Variants in NCALD observed in about 807,000 individuals in gnomAD.
NCALD encodes neurocalcin-delta.
A neutral mutation model predicts 18.6 loss-of-function variants in NCALD; 10 were observed. The observed-to-expected ratio is 0.54, with a 90% CI of 0.33 to 0.91. NCALD has a LOEUF of 0.91. Among genes scored for constraint, NCALD ranks in the 40% least tolerant of loss-of-function variants. The pLI is 0.03. For missense variants in NCALD, 184 were observed against 247.6 expected (o/e 0.74, Z 1.72); for synonymous variants, 88 against 87.4 (o/e 1.01, Z -0.04).
intron 1 of NCALD, among the ~76,000 whole-genome samples, chr8:102,041,832 G>A (rs1823060149): frequency 6.7e-6 from 1 of 150,200 alleles, no homozygotes. Context: ...AAATGCCTCA[G>A]CTGCTAGCAC....
At chr8:101,768,376 CAG>C (rs1811436791) in intron 1 of NCALD, among the ~76,000 whole-genome samples, 1 of 85,828 alleles carries the variant, frequency 1.2e-5, no homozygotes, top group African/African-American at 4.2e-5. Flanking sequence ...TTAACTCCTT[CAG>C]AGTTGTAGGA....
At chr8:101,795,418 G>A (rs940334387), upstream of NCALD, among the ~76,000 whole-genome samples, 2 of 152,158 alleles carry the variant, frequency 1.3e-5, no homozygotes, top group Non-Finnish European at 2.9e-5. Flanking sequence ...CCAAGATCAA[G>A]GCTCCTACAG....
intron 1 of NCALD, among the ~76,000 whole-genome samples, chr8:102,073,185 C>T (rs1049846371): frequency 2.6e-5 from 4 of 152,128 alleles, no homozygotes; most frequent in East Asian, 1.9e-4. Context: ...CCCATAATCC[C>T]GGCTACTCAG....
intron 4 of NCALD, among the ~76,000 whole-genome samples, chr8:101,842,920 G>A (rs1814703403): frequency 6.6e-6 from 1 of 152,128 alleles, no homozygotes; most frequent in Non-Finnish European, 1.5e-5. Context: ...GTGGTTGGGG[G>A]GAAGATGAGA....
intron 2 of NCALD, among the ~76,000 whole-genome samples, chr8:101,938,492 C>G (rs1191306552): frequency 6.6e-6 from 1 of 152,156 alleles, no homozygotes; most frequent in Non-Finnish European, 1.5e-5. Context: ...AGTCTAGTAA[C>G]AGTCTTGTTC....
chr8:102,030,108 G>C (rs1822615288), intron 1 of NCALD, among the ~76,000 whole-genome samples: 1 of 152,196 alleles, frequency 6.6e-6, no homozygotes, highest in Non-Finnish European at 1.5e-5. Context: ...AGAGGAGAAT[G>C]GTTCAACAGG....
chr8:101,781,422 G>C (rs1700053950), intron 1 of NCALD, among the ~76,000 whole-genome samples: 1 of 152,148 alleles, frequency 6.6e-6, no homozygotes, highest in South Asian at 2.1e-4. Context: ...ATTCCCTCCT[G>C]AATAGCTGGG....
intron 2 of NCALD, among the ~76,000 whole-genome samples, chr8:101,983,358 G>T (rs1820692304): frequency 6.6e-6 from 1 of 152,134 alleles, no homozygotes; most frequent in Non-Finnish European, 1.5e-5. Flanking sequence ...GCCCTCCCCT[G>T]TTCCCTAACC....
At chr8:101,834,395 C>T (rs1814320378) in intron 4 of NCALD, among the ~76,000 whole-genome samples, 1 of 152,244 alleles carries the variant, frequency 6.6e-6, no homozygotes, top group Non-Finnish European at 1.5e-5. Context: ...CTGGAAACAT[C>T]TTTTCCACTG....
At chr8:101,768,343 A>G (rs1368328168) in intron 1 of NCALD, among the ~76,000 whole-genome samples, 1 of 151,796 alleles carries the variant, frequency 6.6e-6, no homozygotes, top group Admixed American at 6.6e-5. Context: ...CCAATAGTCT[A>G]TATCTGCAGG....
intron 3 of NCALD, among the ~76,000 whole-genome samples, chr8:101,901,103 C>G (rs914178489): frequency 6.6e-6 from 1 of 151,932 alleles, no homozygotes; most frequent in Non-Finnish European, 1.5e-5. Context: ...TATAATATCT[C>G]TCTCTGTCCT....
At chr8:101,691,783 G>A (rs1803656229) in intron 3 of NCALD, 1 of 985,244 alleles carries the variant, frequency 1.0e-6, no homozygotes, top group South Asian at 4.7e-5. Context: ...AGGAGACAGA[G>A]GCTCTCTGTA....
intron 2 of NCALD, among the ~76,000 whole-genome samples, chr8:101,937,987 C>T (rs1349284466): frequency 6.6e-6 from 1 of 152,196 alleles, no homozygotes; most frequent in Non-Finnish European, 1.5e-5. Context: ...CTATGAAAGA[C>T]TTAGGAAAGA....
intron 1 of NCALD, among the ~76,000 whole-genome samples, chr8:101,734,083 A>G (rs1351000122): frequency 6.6e-6 from 1 of 152,090 alleles, no homozygotes; most frequent in African/African-American, 2.4e-5. Context: ...GGGCTCTCTT[A>G]TGTTAGCAGT....
chr8:101,932,609 A>G (rs1043490927), intron 2 of NCALD, among the ~76,000 whole-genome samples: 18 of 152,192 alleles, frequency 1.2e-4, no homozygotes, highest in Admixed American at 6.5e-4. Context: ...AAAGAATACA[A>G]GAGTACACGA....
intron 1 of NCALD, among the ~76,000 whole-genome samples, chr8:101,732,014 C>T (rs1816855063): frequency 1.3e-5 from 2 of 152,198 alleles, no homozygotes; most frequent in South Asian, 4.1e-4. Flanking sequence ...TGCAACAGAG[C>T]TGCCTGTTTT....
intron 2 of NCALD, among the ~76,000 whole-genome samples, chr8:101,700,613 G>A (rs536621675): frequency 6.6e-6 from 1 of 152,180 alleles, no homozygotes; most frequent in African/African-American, 2.4e-5. Flanking sequence ...TTCTTCTTGG[G>A]ATTCTGATGA....
At position 101,936,665 on chromosome 8, in the gene NCALD, T is replaced by C. The variant is rs532995516; in HGVS notation, c.-156-20807A>G. On this transcript the variant is annotated intron_variant, in intron 2 of 6. Transcript: ENST00000311028. ...AAACAAACTGAGTCAAAATCTCTGA[T>C]GGTGAGGTCTGGACATTAGTATGTT... Among the ~76,000 whole-genome samples, 76 of 152,174 alleles carry C rather than the reference T, an allele frequency of 5.0e-4. 2 individuals are homozygous for C. Among genetic ancestry groups the C allele is most frequent in the South Asian group, 4.1e-4 (2 of 4,824 alleles).
chr8:102,025,271 C>T (rs1822414298), intron 1 of NCALD, among the ~76,000 whole-genome samples: 1 of 152,222 alleles, frequency 6.6e-6, no homozygotes, highest in African/African-American at 2.4e-5. Context: ...AGTGAGACCT[C>T]CCATGATGCC....
Sources: gnomAD v4.1 joint callset for allele counts (sites outside exome capture counted in the v4.1 genomes callset) on GRCh38, gnomAD v4.1.1 for gene constraint, MANE v1.5 for transcripts, NCBI Gene and HGNC (gene_info 2026-07-23, HGNC 2026-07-21) for gene names.